ESRRG: variants seen among roughly 807,000 people sequenced by gnomAD.
ESRRG encodes the protein estrogen related receptor gamma, also known as estrogen-related receptor gamma.
Under a neutral mutation model 44.0 loss-of-function variants are expected in ESRRG, and 13 were observed. That is an observed-to-expected ratio of 0.30 (90% CI 0.19 to 0.47). The LOEUF (loss-of-function observed/expected upper bound fraction) is 0.47. ESRRG is among the 20% of genes least tolerant of loss of function. The pLI is 1.00. For synonymous variants in ESRRG, 215 were observed against 214.6 expected, an observed-to-expected ratio of 1.00 and a Z score of -0.02; for missense variants, 395 against 580.6, an observed-to-expected ratio of 0.68 and a Z score of 3.29.
At chr1:216,872,350 G>A (rs2096270503) in intron 2 of ESRRG, among the ~76,000 whole-genome samples, 1 of 151,946 alleles carries the variant, frequency 6.6e-6, no homozygotes, top group African/African-American at 2.4e-5. Context: ...CCTAGTGTTG[G>A]CATTTTTTGG....
At position 216,959,217 on chromosome 1, in the gene ESRRG, T is replaced by C. The variant is rs957185213; in HGVS notation, c.-105-19544A>G. On this transcript the variant is annotated intron_variant, in intron 1 of 7. Coordinates refer to the ESRRG transcript ENST00000359162. ...TTGCTCACTACTGATTCCCAGATCC[T>C]AGAACAAGTTTTTAATGCTCCAGAA... 6.7e-4 allele frequency among the ~76,000 whole-genome samples: 102 copies of C among 152,200 alleles called. 1 individual carries two copies. Among genetic ancestry groups the C allele is most frequent in the Non-Finnish European group, 1.1e-3 (74 of 68,002 alleles).
intron 3 of ESRRG, among the ~76,000 whole-genome samples, chr1:216,575,340 T>C (rs1432661176): frequency 6.6e-6 from 1 of 152,162 alleles, no homozygotes; most frequent in Non-Finnish European, 1.5e-5. Flanking sequence ...TATTGTTAAA[T>C]ATGGTTCATT....
intron 2 of ESRRG, among the ~76,000 whole-genome samples, chr1:216,855,565 T>C (rs996685332): frequency 2.0e-5 from 3 of 152,128 alleles, no homozygotes; most frequent in African/African-American, 7.2e-5. Flanking sequence ...TTGAATTTAA[T>C]GTAAAGATGA....
intron 2 of ESRRG, among the ~76,000 whole-genome samples, chr1:216,732,469 C>G (rs578020587): frequency 6.6e-6 from 1 of 151,872 alleles, no homozygotes; most frequent in Non-Finnish European, 1.5e-5. Context: ...CTCCACCTCC[C>G]GGATTCAAGC....
chr1:216,650,995 T>C lies in ESRRG; in HGVS notation c.567A>G (p.Leu189=), dbSNP rs1416581304. ...TACCTTCTTTCAGCATGCCCACTTT[T>C]AAACACTTCATGAAGCGGCAAGCCT... ...SCQACRFMKC[L]KVGMLKEGVR... The change falls in exon 3 of 7, where the codon TTA becomes TTG. Residue 189 remains leucine, a synonymous_variant. Coordinates refer to ENST00000408911, the MANE Select transcript of ESRRG (RefSeq NM_001438.4). The C allele has an allele frequency of 6.2e-7, 1 of 1,611,790 alleles. No individual in the cohort carries two copies.
chr1:216,682,999 G>A (rs1011780488), intron 1 of ESRRG, among the ~76,000 whole-genome samples: 2 of 152,168 alleles, frequency 1.3e-5, no homozygotes, highest in Admixed American at 6.5e-5. Context: ...GAAAGCAACC[G>A]AATGAAGTGT....
chr1:216,667,309 A>G (rs569569801), intron 2 of ESRRG, among the ~76,000 whole-genome samples: 1 of 152,336 alleles, frequency 6.6e-6, no homozygotes, highest in South Asian at 2.1e-4. Flanking sequence ...GGATTCTAAC[A>G]TAGGCCATAT....
chr1:217,096,814 A>AT (rs1442414798), intron 1 of ESRRG, among the ~76,000 whole-genome samples: 1 of 152,076 alleles, frequency 6.6e-6, no homozygotes, highest in Non-Finnish European at 1.5e-5. Context: ...TGTTTTAGTT[A>AT]TTTTTTTATT....
intron 1 of ESRRG, among the ~76,000 whole-genome samples, chr1:216,959,007 G>A (rs1040914335): frequency 6.6e-6 from 1 of 152,040 alleles, no homozygotes; most frequent in African/African-American, 2.4e-5. Context: ...CCATGAAGAC[G>A]TGATTATTTT....
At chr1:216,547,995 T>A (rs1217442921) in intron 5 of ESRRG, among the ~76,000 whole-genome samples, 1 of 152,078 alleles carries the variant, frequency 6.6e-6, no homozygotes, top group Non-Finnish European at 1.5e-5. Flanking sequence ...CAATTGCTGC[T>A]ATATATGGGG....
At chr1:216,563,741 A>C (rs996842865) in intron 5 of ESRRG, among the ~76,000 whole-genome samples, 2 of 152,212 alleles carry the variant, frequency 1.3e-5, no homozygotes, top group Non-Finnish European at 2.9e-5. Flanking sequence ...TTATCTGTAA[A>C]GATAAATATC....
At chr1:217,084,778 T>C (rs2091976369) in intron 1 of ESRRG, among the ~76,000 whole-genome samples, 1 of 152,200 alleles carries the variant, frequency 6.6e-6, no homozygotes, top group African/African-American at 2.4e-5. Context: ...ATAAATAAAA[T>C]ATCTTTGACT....
intron 1 of ESRRG, among the ~76,000 whole-genome samples, chr1:216,687,977 T>C (rs1268383843): frequency 6.6e-6 from 1 of 151,976 alleles, no homozygotes; most frequent in Non-Finnish European, 1.5e-5. Flanking sequence ...TCTCAAATAG[T>C]GCCTCTGACA....
intron 2 of ESRRG, among the ~76,000 whole-genome samples, chr1:216,732,086 GGAATAAAAAAAGAAAATAAA>G (rs1278410687): frequency 1.5e-5 from 2 of 135,510 alleles, no homozygotes; most frequent in Non-Finnish European, 3.2e-5. Context: ...ATTAAGAAGT[GGAATAAAAAAAGAAAATAAA>G]AAATAAAAAA....
chr1:216,646,870 T>G (rs1033050350), intron 3 of ESRRG, among the ~76,000 whole-genome samples: 1 of 152,172 alleles, frequency 6.6e-6, no homozygotes, highest in Admixed American at 6.6e-5. Context: ...GGCTAAAGAA[T>G]ATAATGTGCG....
intron 6 of ESRRG, among the ~76,000 whole-genome samples, chr1:216,509,513 C>T (rs1241081650): frequency 1.3e-5 from 2 of 152,148 alleles, no homozygotes; most frequent in Non-Finnish European, 2.9e-5. Context: ...ACAGTTACCT[C>T]GGCCCTACCC....
In ESRRG at chr1:216,740,829, C is replaced by T. The variant is rs557957773; in HGVS notation, c.-13-63338G>A. ...TAGAGATTATTTGCAGGCAGAGGTG[C>T]CCCTGTATTAAGCTTGACATTTATT... On this transcript the variant is annotated intron_variant, in intron 2 of 7. Coordinates refer to the ESRRG transcript ENST00000359162. Among the ~76,000 whole-genome samples the T allele has an allele frequency of 4.6e-5, 7 of 151,998 alleles. No individual in the cohort carries two copies. The South Asian group carries it at 1.5e-3, about 32-fold the overall frequency.
At chr1:217,008,478 T>C (rs1396176650) in intron 1 of ESRRG, among the ~76,000 whole-genome samples, 2 of 152,180 alleles carry the variant, frequency 1.3e-5, no homozygotes, top group Non-Finnish European at 2.9e-5. Context: ...AAAGATTTCC[T>C]TGAAGTGGCA....
chr1:216,629,599 G>A (rs1419244), intron 3 of ESRRG, among the ~76,000 whole-genome samples: 41,847 of 152,072 alleles, frequency 0.28, 6,095 homozygotes, highest in East Asian at 0.45. Context: ...CAAGTGTGTA[G>A]ATGCTGCAAT....
Sources: gnomAD v4.1 joint callset for allele counts (sites outside exome capture counted in the v4.1 genomes callset) on GRCh38, gnomAD v4.1.1 for gene constraint, MANE v1.5 for transcripts, NCBI Gene and HGNC (gene_info 2026-07-23, HGNC 2026-07-21) for gene names.